The following FARS2 variants were observed in gnomAD, a reference collection of about 807,000 sequenced individuals.
FARS2 encodes phenylalanine--tRNA ligase, mitochondrial.
FARS2 carries 40 observed loss-of-function variants against 46.4 expected under a neutral mutation model. The ratio of observed to expected loss-of-function variants is 0.86; its 90% CI spans 0.67 to 1.12. FARS2 has a LOEUF of 1.12. FARS2 is among the 50% of genes most tolerant of loss of function. The pLI, the probability that FARS2 is intolerant of heterozygous loss-of-function variation, is 0.00. For missense variants in FARS2, 513 were observed against 567.9 expected (o/e 0.90, Z 0.98); for synonymous variants, 234 against 214.9 (o/e 1.09, Z -0.78).
At chr6:5,713,869 G>A (rs967467753) in intron 6 of FARS2, among the ~76,000 whole-genome samples, 3 of 152,184 alleles carry the variant, frequency 2.0e-5, no homozygotes, top group Non-Finnish European at 2.9e-5. Context: ...GCATATTGCC[G>A]TCTTGCTCTA....
chr6:5,442,094 C>G (rs1460594808), intron 4 of FARS2, among the ~76,000 whole-genome samples: 2 of 152,034 alleles, frequency 1.3e-5, no homozygotes, highest in African/African-American at 4.8e-5. Flanking sequence ...GTGAGACCCT[C>G]TCTCAAAAAT....
At chr6:5,438,396 C>A (rs1332996068) in intron 4 of FARS2, among the ~76,000 whole-genome samples, 13 of 150,470 alleles carry the variant, frequency 8.6e-5, no homozygotes, top group Admixed American at 8.6e-4. Flanking sequence ...CTTTGTCTTT[C>A]TGTTTTTCAG....
intron 6 of FARS2, among the ~76,000 whole-genome samples, chr6:5,736,797 CT>C (rs140613741): frequency 6.6e-6 from 1 of 151,936 alleles, no homozygotes; most frequent in Non-Finnish European, 1.5e-5. Flanking sequence ...TAGAATACCC[CT>C]TTTTTAATCC....
chr6:5,474,214 C>T (rs1435750392), intron 4 of FARS2, among the ~76,000 whole-genome samples: 1 of 152,230 alleles, frequency 6.6e-6, no homozygotes, highest in Non-Finnish European at 1.5e-5. Flanking sequence ...CTTCAGTAAC[C>T]AGGGCCAGCC....
chr6:5,368,547 C>T lies in FARS2; in HGVS notation c.-21-3C>T, dbSNP rs1230069622. On this transcript the variant is annotated splice_region_variant and splice_polypyrimidine_tract_variant and intron_variant, in intron 1 of 6. Coordinates refer to ENST00000274680, the MANE Select transcript of FARS2 (RefSeq NM_006567.5). The stretch of plus-strand genomic sequence containing the variant: ...TTGTGCTTTGCCTGTGTGCTCTTTC[C>T]AGAACCTGTGAGAAGTTTCTACAAT... 3 of 1,585,190 alleles carry T rather than the reference C, an allele frequency of 1.9e-6. No individual in the cohort carries two copies. Among genetic ancestry groups the T allele is most frequent in the South Asian group, 1.2e-5 (1 of 85,720 alleles).
At chr6:5,536,551 C>G (rs1413402684) in intron 4 of FARS2, among the ~76,000 whole-genome samples, 1 of 152,144 alleles carries the variant, frequency 6.6e-6, no homozygotes, top group African/African-American at 2.4e-5. Context: ...TGTTGATACT[C>G]TAATCCCTTT....
chr6:5,698,895 C>G (rs1425634014), intron 6 of FARS2, among the ~76,000 whole-genome samples: 1 of 152,174 alleles, frequency 6.6e-6, no homozygotes, highest in East Asian at 1.9e-4. Context: ...TCTTCTCTCT[C>G]GGTTGTTCCT....
rs147771430 is a variant in FARS2, at chr6:5,377,526, C to CATT, written c.612+8360_612+8362dup. On this transcript the variant is annotated intron_variant, in intron 2 of 6. Transcript: ENST00000274680. ...CTTCTTTTCTTCCAGATTCTGTCTC[C>CATT]ATTATTATTATTATTATTTAAAATT... 1.6e-4 allele frequency among the ~76,000 whole-genome samples: 25 copies of CATT among 151,898 alleles called. No individual in the cohort carries two copies. The South Asian group carries it at 2.1e-3, about 13-fold the overall frequency.
chr6:5,404,516 A>G, intron 2 of FARS2, 26 bp from the exon 3 acceptor site: 1 of 1,527,646 alleles, frequency 6.5e-7, no homozygotes, highest in Admixed American at 2.0e-5. Context: ...TATTTTCTTT[A>G]TTTATACTTT....
intron 4 of FARS2, among the ~76,000 whole-genome samples, chr6:5,493,228 A>AT (rs1767240617): frequency 6.7e-6 from 1 of 149,448 alleles, no homozygotes. Flanking sequence ...AAAAAAAAAA[A>AT]GAAAAAGAAA....
At chr6:5,770,130 C>T (rs1221784468) in intron 6 of FARS2, among the ~76,000 whole-genome samples, 1 of 152,196 alleles carries the variant, frequency 6.6e-6, no homozygotes, top group African/African-American at 2.4e-5. Flanking sequence ...GAAGCAAAGG[C>T]TCTGGACTCA....
intron 2 of FARS2, among the ~76,000 whole-genome samples, chr6:5,376,074 T>G (rs1242625539): frequency 2.0e-5 from 3 of 152,168 alleles, no homozygotes. Flanking sequence ...GTCAGACATA[T>G]TCCTACTGGA....
chr6:5,714,579 G>A (rs372811267), intron 6 of FARS2, among the ~76,000 whole-genome samples: 2 of 152,088 alleles, frequency 1.3e-5, no homozygotes, highest in African/African-American at 4.8e-5. Flanking sequence ...AAGATAAGGA[G>A]CATCATAAAA....
intron 6 of FARS2, among the ~76,000 whole-genome samples, chr6:5,709,083 C>T (rs185775200): frequency 1.3e-5 from 2 of 152,262 alleles, no homozygotes; most frequent in Admixed American, 6.5e-5. Flanking sequence ...AGGAGTTCCA[C>T]GGTCATTTAT....
intron 5 of FARS2, among the ~76,000 whole-genome samples, chr6:5,571,151 G>A (rs1772621747): frequency 6.6e-6 from 1 of 152,198 alleles, no homozygotes. Flanking sequence ...CTTGCATGCT[G>A]AACAAATGAG....
intron 5 of FARS2, among the ~76,000 whole-genome samples, chr6:5,561,212 A>G (rs1582450461): frequency 6.6e-6 from 1 of 152,326 alleles, no homozygotes; most frequent in South Asian, 2.1e-4. Flanking sequence ...TTAAAGAAAC[A>G]CTATTTTAAA....
chr6:5,442,812 G>A (rs1763916996), intron 4 of FARS2, among the ~76,000 whole-genome samples: 1 of 152,072 alleles, frequency 6.6e-6, no homozygotes. Flanking sequence ...TTGGATTTAT[G>A]TCCTCCTATG....
At chr6:5,604,813 G>C (rs542607187) in intron 5 of FARS2, among the ~76,000 whole-genome samples, 152 of 152,252 alleles carry the variant, frequency 1.0e-3, no homozygotes, top group African/African-American at 3.5e-3. Flanking sequence ...CGTCTCAGCT[G>C]TCTGTATTTG....
chr6:5,459,757 C>T (rs1442157166), intron 4 of FARS2, among the ~76,000 whole-genome samples: 2 of 152,208 alleles, frequency 1.3e-5, no homozygotes, highest in East Asian at 3.8e-4. Flanking sequence ...CAGCAGTCTC[C>T]TGTATGCCTT....
Sources: allele counts gnomAD v4.1 joint callset (sites outside exome capture counted in the v4.1 genomes callset), GRCh38; gene constraint gnomAD v4.1.1; transcripts MANE v1.5; gene names NCBI Gene and HGNC (gene_info 2026-07-23, HGNC 2026-07-21).